The following SNAP91 variants were observed in gnomAD, a reference collection of about 807,000 sequenced individuals.
SNAP91 encodes the protein synaptosome associated protein 91, also known as clathrin coat assembly protein AP180.
Under a neutral mutation model 100.3 loss-of-function variants are expected in SNAP91, and 27 were observed. The ratio of observed to expected loss-of-function variants is 0.27; its 90% CI spans 0.20 to 0.37. The LOEUF is 0.37. Among genes scored for constraint, SNAP91 ranks in the 10% least tolerant of loss-of-function variants. SNAP91 has a pLI of 1.00. For synonymous variants in SNAP91, 404 were observed against 398.6 expected (o/e 1.01, Z -0.16); for missense variants, 986 against 1,123.7 (o/e 0.88, Z 1.75).
intron 10 of SNAP91, 153 bp downstream of exon 10, chr6:83,616,816 T>C (rs1317516610): frequency 7.9e-6 from 4 of 508,760 alleles, no homozygotes; most frequent in East Asian, 6.4e-5. Context: ...CATAAGTTAA[T>C]AGGAAGAGTA....
intron 14 of SNAP91, among the ~76,000 whole-genome samples, 173 bp from the exon 15 acceptor site, chr6:83,601,772 T>C (rs973896243): frequency 2.6e-5 from 4 of 152,206 alleles, no homozygotes; most frequent in African/African-American, 9.6e-5. Flanking sequence ...ATCATGGAAC[T>C]TTTAAGCTAG....
At chr6:83,659,714 G>A (rs1446575851) in intron 5 of SNAP91, among the ~76,000 whole-genome samples, 2 of 151,942 alleles carry the variant, frequency 1.3e-5, no homozygotes, top group Non-Finnish European at 2.9e-5. Context: ...CTATAGCCAT[G>A]AGCCACTTTG....
At chr6:83,575,709 A>C (rs1584783232) in intron 25 of SNAP91, 3 of 278,766 alleles carry the variant, frequency 1.1e-5, no homozygotes, top group East Asian at 1.7e-4. Context: ...CATGTTAGCT[A>C]GAACTATGGT....
chr6:83,555,093 T>C (rs972319044), intron 29 of SNAP91, among the ~76,000 whole-genome samples: 1 of 152,174 alleles, frequency 6.6e-6, no homozygotes, highest in African/African-American at 2.4e-5. Context: ...CCTGAAACTA[T>C]TAAGTGTTCA....
chr6:83,706,302 G>T (rs916776252), intron 2 of SNAP91, among the ~76,000 whole-genome samples: 1 of 152,216 alleles, frequency 6.6e-6, no homozygotes, highest in African/African-American at 2.4e-5. Flanking sequence ...TTCTTCCAGA[G>T]TTGGGGAAAC....
At chr6:83,706,833 G>C (rs537825671) in intron 2 of SNAP91, among the ~76,000 whole-genome samples, 71 of 152,298 alleles carry the variant, frequency 4.7e-4, no homozygotes, top group African/African-American at 1.6e-3. Context: ...CAGGTCAAGA[G>C]AACTAAATAG....
At chr6:83,654,692 G>C (rs990087548) in intron 7 of SNAP91, among the ~76,000 whole-genome samples, 1 of 152,132 alleles carries the variant, frequency 6.6e-6, no homozygotes, top group Non-Finnish European at 1.5e-5. Flanking sequence ...GCAAAGATAC[G>C]GGGGTAGAAA....
chr6:83,707,399 C>CT (rs879661598), intron 2 of SNAP91, among the ~76,000 whole-genome samples: 1,468 of 145,550 alleles, frequency 0.01, 20 homozygotes, highest in African/African-American at 0.03. Context: ...ATAAATTCAT[C>CT]TTTTTTTTTT....
chr6:83,659,757 GT>G (rs142190338), intron 5 of SNAP91, among the ~76,000 whole-genome samples: 4,098 of 150,856 alleles, frequency 0.027, 348 homozygotes, highest in East Asian at 0.19. Context: ...AAAAAAGCCA[GT>G]TTTTTTTTCT....
At chr6:83,697,885 C>A (rs1389893369) in intron 2 of SNAP91, among the ~76,000 whole-genome samples, 1 of 151,816 alleles carries the variant, frequency 6.6e-6, no homozygotes, top group South Asian at 2.1e-4. Context: ...CTATGTTTGG[C>A]GTGAGGAATA....
chr6:83,616,177 G>T (rs1027256623), intron 10 of SNAP91, among the ~76,000 whole-genome samples: 43 of 152,108 alleles, frequency 2.8e-4, no homozygotes, highest in African/African-American at 9.2e-4. Context: ...GAGAAGGTAG[G>T]ACTAGAGATG....
chr6:83,685,593 T>C (rs755177938), intron 2 of SNAP91, among the ~76,000 whole-genome samples: 1 of 152,216 alleles, frequency 6.6e-6, no homozygotes, highest in East Asian at 1.9e-4. Flanking sequence ...TTTTCCTATG[T>C]TGACACCATA....
At chr6:83,676,510 T>TC (rs1309983432) in intron 2 of SNAP91, among the ~76,000 whole-genome samples, 2 of 151,938 alleles carry the variant, frequency 1.3e-5, no homozygotes, top group African/African-American at 4.8e-5. Context: ...AAAGCAAAGG[T>TC]CCTAAGGCAA....
intron 2 of SNAP91, among the ~76,000 whole-genome samples, chr6:83,676,190 A>C (rs925757632): frequency 2.6e-5 from 4 of 152,050 alleles, no homozygotes; most frequent in Admixed American, 1.3e-4. Context: ...AGTGCCTGCT[A>C]TGTGCCAGGC....
At chr6:83,628,376 T>TAGTG (rs1286623132) in intron 8 of SNAP91, among the ~76,000 whole-genome samples, 2 of 151,952 alleles carry the variant, frequency 1.3e-5, no homozygotes, top group African/African-American at 4.8e-5. Context: ...AGATACCCAC[T>TAGTG]AGTGGGATTG....
At chr6:83,638,027 G>C (rs1027999771) in intron 8 of SNAP91, among the ~76,000 whole-genome samples, 7 of 152,260 alleles carry the variant, frequency 4.6e-5, no homozygotes, top group African/African-American at 1.7e-4. Flanking sequence ...GGCCAGGCAG[G>C]AAATCTTGGG....
intron 7 of SNAP91, among the ~76,000 whole-genome samples, chr6:83,642,055 G>C (rs1426478919): frequency 6.6e-6 from 1 of 152,110 alleles, no homozygotes; most frequent in African/African-American, 2.4e-5. Flanking sequence ...GACACAGCAG[G>C]CCATGTCTGC....
intron 2 of SNAP91, among the ~76,000 whole-genome samples, chr6:83,681,712 G>C (rs988524146): frequency 6.6e-6 from 1 of 152,118 alleles, no homozygotes; most frequent in Non-Finnish European, 1.5e-5. Flanking sequence ...TGAGAGCAAG[G>C]GTTGAGAGAG....
intron 21 of SNAP91, among the ~76,000 whole-genome samples, chr6:83,592,230 A>G (rs2093858948): frequency 1.3e-5 from 2 of 152,194 alleles, no homozygotes; most frequent in African/African-American, 4.8e-5. Flanking sequence ...CAAGTGAAAA[A>G]TTATGTGTTT....
Sources: gnomAD v4.1 joint callset for allele counts (sites outside exome capture counted in the v4.1 genomes callset) on GRCh38, gnomAD v4.1.1 for gene constraint, MANE v1.5 for transcripts, NCBI Gene and HGNC (gene_info 2026-07-23, HGNC 2026-07-21) for gene names.